The following FAM162A variants were observed in gnomAD, a reference collection of about 807,000 sequenced individuals.
The protein encoded by FAM162A is family with sequence similarity 162 member A, also known as protein FAM162A.
A neutral mutation model predicts 21.8 loss-of-function variants in FAM162A; 23 were observed. That is an observed-to-expected ratio of 1.05 (90% CI 0.76 to 1.49). The LOEUF (loss-of-function observed/expected upper bound fraction) is 1.49. Among genes scored for constraint, FAM162A ranks in the 40% most tolerant of loss-of-function variants. The probability of loss-of-function intolerance (pLI) is 0.00; values close to 1 mark genes in which losing one functional copy is unlikely to be tolerated. For synonymous variants in FAM162A, 53 were observed against 61.3 expected (o/e 0.86, Z 0.64); for missense variants, 165 against 186.4 (o/e 0.89, Z 0.67).
At chr3:122,396,162 G>A (rs1344084743) in intron 1 of FAM162A, among the ~76,000 whole-genome samples, 1 of 152,056 alleles carries the variant, frequency 6.6e-6, no homozygotes, top group Non-Finnish European at 1.5e-5. Flanking sequence ...AGAAAAGATG[G>A]ATAAACTGGA....
chr3:122,402,735 T>A, intron 1 of FAM162A, 25 bp from the exon 2 acceptor site: 2 of 1,501,390 alleles, frequency 1.3e-6, no homozygotes, highest in Non-Finnish European at 1.8e-6. Context: ...TTTCTTTCTT[T>A]GAAACATTTT....
intron 1 of FAM162A, among the ~76,000 whole-genome samples, chr3:122,390,323 G>A (rs181463718): frequency 3.3e-5 from 5 of 152,056 alleles, no homozygotes; most frequent in Admixed American, 1.3e-4. Context: ...ACGGATATAG[G>A]GAGTCTGTTT....
At position 122,402,801 on chromosome 3, in the gene FAM162A, C is replaced by G; in HGVS notation, c.76C>G (p.Leu26Val). Residue 26 changes from leucine (L) to valine (V), a missense_variant, in exon 2 of 5, where the codon CTA (leucine) becomes GTA (valine). Leu to Val is a conservative substitution (Grantham distance 32). Transcript: ENST00000477892. ...RLCERDVSSS[L>V]RLTRSSDLKR... ...ATGTGAAAGAGATGTTTCCTCATCT[C>G]TAAGGCTTACCAGAAGCTCTGATTT... 6.2e-7 allele frequency: 1 copy of G among 1,602,094 alleles called. No homozygotes were observed. Among genetic ancestry groups the G allele is most frequent in the South Asian group, 1.1e-5 (1 of 87,598 alleles).
chr3:122,402,187 CT>C (rs2075656224), intron 1 of FAM162A, among the ~76,000 whole-genome samples: 1 of 151,616 alleles, frequency 6.6e-6, no homozygotes, highest in Non-Finnish European at 1.5e-5. Context: ...CGTAATGCTA[CT>C]ATCTGTGCTT....
intron 1 of FAM162A, among the ~76,000 whole-genome samples, chr3:122,396,967 A>T (rs1250911268): frequency 6.6e-6 from 1 of 151,882 alleles, no homozygotes; most frequent in Non-Finnish European, 1.5e-5. Flanking sequence ...GGAAACAGGG[A>T]ATGACTGCTA....
rs370372276 is a variant in FAM162A at position 122,407,397 on chromosome 3, G to A, written c.372+8G>A. ...GTTATTGAGGGCAAGAAGGTGAGAA[G>A]GGGTTTCTTCTCTATCCAGTATGTA... On this transcript the variant is annotated splice_region_variant and intron_variant, in intron 4 of 4. Coordinates refer to ENST00000477892, the MANE Select transcript of FAM162A (RefSeq NM_014367.4). 1.2e-5 allele frequency: 20 copies of A among 1,605,854 alleles called. No homozygotes were observed. Among genetic ancestry groups the A allele is most frequent in the East Asian group, 4.5e-5 (2 of 44,854 alleles).
intron 4 of FAM162A, among the ~76,000 whole-genome samples, chr3:122,408,751 G>A (rs1266390611): frequency 2.0e-5 from 3 of 152,168 alleles, no homozygotes; most frequent in Admixed American, 1.3e-4. Context: ...TTGTATACTC[G>A]ATTGTACTAG....
chr3:122,388,062 G>T (rs185618742), intron 1 of FAM162A, among the ~76,000 whole-genome samples: 242 of 152,292 alleles, frequency 1.6e-3, no homozygotes, highest in African/African-American at 5.7e-3. Flanking sequence ...TTTAGCAGGA[G>T]AAGTAACACA....
At chr3:122,388,424 G>A (rs2075584263) in intron 1 of FAM162A, among the ~76,000 whole-genome samples, 1 of 152,204 alleles carries the variant, frequency 6.6e-6, no homozygotes, top group Admixed American at 6.5e-5. Flanking sequence ...GAAGACCTGA[G>A]GGCAAAGGAA....
rs2075696973 is a variant in FAM162A, at chr3:122,409,972, A to T, written c.*141A>T. 1 of 753,198 alleles carries T rather than the reference A, an allele frequency of 1.3e-6. No individual in the cohort carries two copies. Among genetic ancestry groups the T allele is most frequent in the East Asian group, 2.7e-5 (1 of 36,958 alleles). The allele number at this position is 753,198 out of a possible 1,614,324, so 46.7% of individuals were successfully genotyped here. A position where few individuals can be genotyped will look rare whatever the true frequency, so the allele number is the denominator to read the frequency against. ...TGTACCATTTCCGTATTTCTGCTGT[A>T]GAAGTAGAAATAAATTTTCTTAAAT... is the stretch of plus-strand genomic sequence containing the variant. On this transcript the variant is annotated 3_prime_UTR_variant, in exon 5 of 5. Transcript: ENST00000477892.
At chr3:122,402,958 A>G (rs1444581915) in intron 2 of FAM162A, 76 bp downstream of exon 2, 11 of 1,481,188 alleles carry the variant, frequency 7.4e-6, no homozygotes, top group African/African-American at 5.7e-5. Context: ...AAAGAACCCA[A>G]AAGAGAAGAG....
intron 1 of FAM162A, chr3:122,401,390 T>A: frequency 9.7e-7 from 1 of 1,035,102 alleles, no homozygotes; most frequent in East Asian, 1.0e-4. Context: ...GTTCATGTGA[T>A]CCTGGTTAAT....
Position 122,402,649 on chromosome 3 carries a change from T to C in FAM162A, c.35-111T>C, listed in dbSNP as rs1576251863. The C allele has an allele frequency of 4.1e-6, 4 of 986,768 alleles. No individual in the cohort carries two copies. In the East Asian group the frequency reaches 1.1e-4, roughly 27 times the overall value. The allele number at this position is 986,768 out of a possible 1,614,324, so 61.1% of individuals were successfully genotyped here. ...TCTTACATATAGTAAATTCATTTCC[T>C]AAATGAACTACCTTTTATAAATGAA... On this transcript the variant is annotated intron_variant, in intron 1 of 4. Coordinates refer to ENST00000477892, the MANE Select transcript of FAM162A (RefSeq NM_014367.4).
chr3:122,410,563 ATC>A lies in FAM162A; in HGVS notation c.*735_*736del. The A allele has an allele frequency of 1.3e-5, 2 of 152,402 alleles. No individual in the cohort carries two copies. The highest frequency in any genetic ancestry group is 1.3e-4 in the Admixed American group (2 of 15,310). 9.4% of individuals were successfully genotyped at this position (152,402 alleles called of 1,614,324 possible). On this transcript the variant is annotated 3_prime_UTR_variant, in exon 5 of 5. Coordinates refer to ENST00000477892, the MANE Select transcript of FAM162A (RefSeq NM_014367.4). Reference sequence around the variant, plus strand: ...TTAGAAGTATTTGCACCTCATATATATCTCATTTACAGTTTGACCTTGGGATA... The same window carrying A: ...TTAGAAGTATTTGCACCTCATATATATCATTTACAGTTTGACCTTGGGATA...
At position 122,410,005 on chromosome 3, in the gene FAM162A, G is replaced by A. The variant is rs1163361025; in HGVS notation, c.*174G>A. 2 of 669,528 alleles carry A rather than the reference G, an allele frequency of 3.0e-6. No homozygotes were observed. The highest frequency in any genetic ancestry group is 2.7e-6 in the Non-Finnish European group (1 of 370,320). 41.5% of individuals were successfully genotyped at this position (669,528 alleles called of 1,614,324 possible). ...AAATAAATTTTCTTAAATAATGACT[G>A]TGTTTTATTGTTTTGATCCAAGTCA... On this transcript the variant is annotated 3_prime_UTR_variant, in exon 5 of 5. Transcript: ENST00000477892.
chr3:122,405,852 A>G (rs1347694474), intron 3 of FAM162A, among the ~76,000 whole-genome samples: 1 of 152,170 alleles, frequency 6.6e-6, no homozygotes, highest in East Asian at 1.9e-4. Flanking sequence ...ATGGGAAGTC[A>G]GTTTGTGGTT....
At position 122,410,953 on chromosome 3, in the gene FAM162A, T is replaced by C. The variant is rs1389927021; in HGVS notation, c.*1122T>C. The C allele has an allele frequency of 1.3e-5, 2 of 152,252 alleles. No homozygotes were observed. The highest frequency in any genetic ancestry group is 2.4e-5 in the African/African-American group (1 of 41,460). The allele number at this position is 152,252 out of a possible 1,614,324, so 9.4% of individuals were successfully genotyped here. A position where few individuals can be genotyped will look rare whatever the true frequency, so the allele number is the denominator to read the frequency against. ...AGTGCTAGTGTTCAGGTAACTCTTA[T>C]TTAATAATTGCCTCAAAGTGCATTG... is the stretch of plus-strand genomic sequence containing the variant. On this transcript the variant is annotated 3_prime_UTR_variant, in exon 5 of 5. Transcript: ENST00000477892.
At chr3:122,400,121 C>A (rs1220919907) in intron 1 of FAM162A, among the ~76,000 whole-genome samples, 1 of 152,034 alleles carries the variant, frequency 6.6e-6, no homozygotes, top group African/African-American at 2.4e-5. Context: ...TTGGAACCAA[C>A]CCAAATGCCC....
chr3:122,394,674 C>A (rs527548923), intron 1 of FAM162A, among the ~76,000 whole-genome samples: 1 of 152,258 alleles, frequency 6.6e-6, no homozygotes, highest in African/African-American at 2.4e-5. Flanking sequence ...AGTCCAGGCC[C>A]AGATGGCTTC....
Sources: allele counts gnomAD v4.1 joint callset (sites outside exome capture counted in the v4.1 genomes callset), GRCh38; gene constraint gnomAD v4.1.1; transcripts MANE v1.5; gene names NCBI Gene and HGNC (gene_info 2026-07-23, HGNC 2026-07-21).